LINC00237: variants seen among roughly 807,000 people sequenced by gnomAD.
LINC00237 encodes the protein long intergenic non-protein coding RNA 237.
chr20:21,090,020 T>C (rs2030770989), intron 2 of LINC00237: 1 of 152,250 alleles, frequency 6.6e-6, no homozygotes, highest in African/African-American at 2.4e-5. Context: ...GACGTCTGAA[T>C]GTCTTTCCAT....
intron 3 of LINC00237, among the ~76,000 whole-genome samples, chr20:21,086,641 ATAGTATACTATATATG>A (rs1161694971): frequency 1.5e-5 from 2 of 134,640 alleles, no homozygotes; most frequent in African/African-American, 5.5e-5. Context: ...TATACTATAT[ATAGTATACTATATATG>A]TATAGTATAC....
rs997362579 is a variant in LINC00237, at chr20:21,101,909, C to T, written n.88+4362G>A. 2.0e-5 allele frequency among the ~76,000 whole-genome samples: 3 copies of T among 152,164 alleles called. No homozygotes were observed. The highest frequency in any genetic ancestry group is 4.4e-5 in the Non-Finnish European group (3 of 68,032). ...CGGAGTGCGGCGAGGGGTGAGGGCG[C>T]GACCGCCTTGGGGCAGGGGCGGCGA... On this transcript the variant is annotated intron_variant and non_coding_transcript_variant, in intron 1 of 3. Coordinates refer to ENST00000691244, the Ensembl canonical transcript of LINC00237. This position sits in a 1 kb window ranked among gnomAD's most constrained non-coding sequence, Gnocchi z 4.3.
intron 3 of LINC00237, among the ~76,000 whole-genome samples, chr20:21,087,375 G>A (rs1159891436): frequency 4.6e-5 from 7 of 151,990 alleles, no homozygotes; most frequent in Non-Finnish European, 1.0e-4. Context: ...TTTTGAATGG[G>A]TTCAGTTTTT....
Position 21,101,966 on chromosome 20 carries a change from T to A in LINC00237, n.88+4305A>T, listed in dbSNP as rs989051416. 6.6e-6 allele frequency among the ~76,000 whole-genome samples: 1 copy of A among 152,226 alleles called. No individual in the cohort carries two copies. Among genetic ancestry groups the A allele is most frequent in the African/African-American group, 2.4e-5 (1 of 41,454 alleles). ...AGCTCCGGGCTCTCCACGGACTCGATTGGACAGCCCCAGGCCGGCTTTGGA... is the reference window on the plus strand; with the variant it reads ...AGCTCCGGGCTCTCCACGGACTCGAATGGACAGCCCCAGGCCGGCTTTGGA... On this transcript the variant is annotated intron_variant and non_coding_transcript_variant, in intron 1 of 3. Coordinates refer to ENST00000691244, the Ensembl canonical transcript of LINC00237. This position sits in a 1 kb window ranked among gnomAD's most constrained non-coding sequence, Gnocchi z 4.3.
intron 1 of LINC00237, among the ~76,000 whole-genome samples, chr20:21,103,848 C>T (rs932785933): frequency 2.6e-5 from 4 of 152,200 alleles, no homozygotes; most frequent in African/African-American, 9.7e-5. Flanking sequence ...AATCATTAGA[C>T]TTGAGTGATC....
At chr20:21,102,522 C>G (rs1218765845) in intron 1 of LINC00237, among the ~76,000 whole-genome samples, 1 of 152,108 alleles carries the variant, frequency 6.6e-6, no homozygotes, top group Non-Finnish European at 1.5e-5. Flanking sequence ...GGTGCAGCGG[C>G]GACCCTCTGG....
exon 4 of LINC00237, among the ~76,000 whole-genome samples, chr20:21,085,741 A>G (rs941671518): frequency 6.6e-6 from 1 of 152,166 alleles, no homozygotes; most frequent in Non-Finnish European, 1.5e-5. Flanking sequence ...TGCTGGTTAC[A>G]TGAGTGAGTT....
Position 21,087,009 on chromosome 20 carries a change from T to C in LINC00237, n.559+935A>G, listed in dbSNP as rs1314404796. ...CTATAGTACATATATAGTACATATA[T>C]AGTATATATGTACTCTATATAGTAT... On this transcript the variant is annotated intron_variant and non_coding_transcript_variant, in intron 3 of 3. Transcript: ENST00000691244. 3.5e-5 allele frequency among the ~76,000 whole-genome samples: 5 copies of C among 143,898 alleles called. No individual in the cohort carries two copies. The Admixed American group carries it at 3.5e-4, about 10-fold the overall frequency. The allele number at this position is 143,898 out of a possible 152,430, so 94.4% of individuals were successfully genotyped here. A position where few individuals can be genotyped will look rare whatever the true frequency, so the allele number is the denominator to read the frequency against.
intron 1 of LINC00237, among the ~76,000 whole-genome samples, chr20:21,094,843 A>G (rs2030836134): frequency 6.6e-6 from 1 of 152,146 alleles, no homozygotes; most frequent in South Asian, 2.1e-4. Flanking sequence ...TGACGTCAGG[A>G]GTTTGAGACC....
At chr20:21,099,702 A>T (rs577415425) in intron 1 of LINC00237, among the ~76,000 whole-genome samples, 1 of 152,108 alleles carries the variant, frequency 6.6e-6, no homozygotes. Context: ...CTTAATGATA[A>T]TTACTTATTT....
chr20:21,099,463 T>C (rs2030901882), intron 1 of LINC00237, among the ~76,000 whole-genome samples: 1 of 152,126 alleles, frequency 6.6e-6, no homozygotes, highest in South Asian at 2.1e-4. Flanking sequence ...GATATTTCCA[T>C]GCGCGAATTG....
chr20:21,105,424 A>G (rs1204006379), intron 1 of LINC00237, among the ~76,000 whole-genome samples: 1 of 152,108 alleles, frequency 6.6e-6, no homozygotes, highest in Admixed American at 6.5e-5. Flanking sequence ...GTGTCCCGCA[A>G]GTGGTTTCTC....
At chr20:21,092,164 G>A (rs1339033268) in intron 2 of LINC00237, among the ~76,000 whole-genome samples, 1 of 152,138 alleles carries the variant, frequency 6.6e-6, no homozygotes, top group Non-Finnish European at 1.5e-5. Context: ...GTACTATTCT[G>A]TACTATTATC....
chr20:21,103,316 C>A (rs529995563), intron 1 of LINC00237, among the ~76,000 whole-genome samples: 1 of 150,924 alleles, frequency 6.6e-6, no homozygotes, highest in African/African-American at 2.4e-5. Context: ...GAGGTTGAAC[C>A]ATCTCAAAGT....
intron 1 of LINC00237, among the ~76,000 whole-genome samples, chr20:21,099,856 A>G (rs953736893): frequency 5.3e-5 from 8 of 152,206 alleles, no homozygotes; most frequent in African/African-American, 1.9e-4. Context: ...TTCAGAAACT[A>G]TCTGTATGAG....
chr20:21,105,765 GTC>G (rs2030990933), intron 1 of LINC00237, among the ~76,000 whole-genome samples: 1 of 152,200 alleles, frequency 6.6e-6, no homozygotes, highest in Admixed American at 6.5e-5. Flanking sequence ...TTTTGCGGGC[GTC>G]TCTCTGCCTC....
At chr20:21,099,133 T>C (rs1383830245) in intron 1 of LINC00237, among the ~76,000 whole-genome samples, 1 of 152,210 alleles carries the variant, frequency 6.6e-6, no homozygotes, top group African/African-American at 2.4e-5. Flanking sequence ...GTGTGCCCTC[T>C]CCATGGTTTT....
intron 1 of LINC00237, among the ~76,000 whole-genome samples, chr20:21,097,303 T>C (rs1160584728): frequency 6.6e-6 from 1 of 152,192 alleles, no homozygotes; most frequent in Non-Finnish European, 1.5e-5. Context: ...TCATAACTTT[T>C]ACATGCTAAC....
At chr20:21,085,691 G>A (rs1418978573) in exon 4 of LINC00237, among the ~76,000 whole-genome samples, 3 of 152,122 alleles carry the variant, frequency 2.0e-5, no homozygotes, top group African/African-American at 7.2e-5. Context: ...GACATTTGGG[G>A]GGCTTCTGTG....
Sources: gnomAD v4.1 joint callset for allele counts (sites outside exome capture counted in the v4.1 genomes callset) on GRCh38, gnomAD v4.1.1 for gene constraint, Gnocchi (gnomAD v3.1) non-coding constraint, MANE v1.5 for transcripts, NCBI Gene and HGNC (gene_info 2026-07-23, HGNC 2026-07-21) for gene names.